Variants in DNAH7 observed in about 807,000 individuals in gnomAD.
DNAH7 encodes the protein axonemal beta dynein heavy chain 7.
Under a neutral mutation model 444.6 loss-of-function variants are expected in DNAH7, and 397 were observed. The ratio of observed to expected loss-of-function variants is 0.89; its 90% CI spans 0.82 to 0.97. The LOEUF is 0.97. Ranked by LOEUF, DNAH7 falls within the 50% of genes least tolerant of loss-of-function variation. The probability of loss-of-function intolerance (pLI) is 0.00; values close to 1 mark genes in which losing one functional copy is unlikely to be tolerated. For missense variants in DNAH7, 4,902 were observed against 4,800.8 expected (o/e 1.02, Z -0.62); for synonymous variants, 1,636 against 1,624.4 (o/e 1.01, Z -0.17).
At chr2:195,786,886 G>T in intron 58 of DNAH7, 124 bp downstream of exon 58, 1 of 990,180 alleles carries the variant, frequency 1.0e-6, no homozygotes, top group Non-Finnish European at 1.4e-6. Flanking sequence ...TAAGCTGTTG[G>T]GAACTACTCT....
At chr2:195,755,700 G>C (rs1018287564) in intron 62 of DNAH7, among the ~76,000 whole-genome samples, 11 of 152,188 alleles carry the variant, frequency 7.2e-5, no homozygotes, top group Non-Finnish European at 1.3e-4. Flanking sequence ...AATATTACCA[G>C]ACAATTAGTA....
chr2:195,912,857 A>G (rs1038258901), intron 24 of DNAH7, among the ~76,000 whole-genome samples: 5 of 152,226 alleles, frequency 3.3e-5, no homozygotes, highest in Non-Finnish European at 5.9e-5. Flanking sequence ...ATAGCTAAAA[A>G]TTGAGCACAT....
intron 51 of DNAH7, among the ~76,000 whole-genome samples, chr2:195,810,625 CTT>C (rs372195832): frequency 5.0e-5 from 7 of 140,506 alleles, no homozygotes; most frequent in South Asian, 2.3e-4. Context: ...ATCATCCTAG[CTT>C]TTTTTTTTTT....
In DNAH7 at chr2:195,888,307, A is replaced by T. The variant is rs759033224; in HGVS notation, c.5357T>A (p.Phe1786Tyr). The T allele has an allele frequency of 1.2e-6, 2 of 1,611,522 alleles. No homozygotes were observed. Among genetic ancestry groups the T allele is most frequent in the South Asian group, 2.2e-5 (2 of 90,574 alleles). ...VIQKEFIMGL[F>Y]DRMVPVSVEF... ...AACCGAAACAGGGACCATTCTGTCA[A>T]ATAAGCCCATTATGAATTCCTTTTG... The change falls in exon 33 of 65, where the codon TTT becomes TAT. Residue 1786 changes from phenylalanine to tyrosine, a missense_variant. Physicochemically the swap from Phe to Tyr is conservative, Grantham distance 22 (BLOSUM62 3). Transcript: ENST00000312428.
chr2:195,852,172 C>T (rs543375800), intron 46 of DNAH7, among the ~76,000 whole-genome samples: 8 of 152,008 alleles, frequency 5.3e-5, no homozygotes, highest in Non-Finnish European at 1.0e-4. Context: ...GCAGGAGAAT[C>T]GCGTGAACCC....
intron 23 of DNAH7, among the ~76,000 whole-genome samples, chr2:195,923,341 G>A (rs377352291): frequency 7.9e-5 from 12 of 152,042 alleles, no homozygotes; most frequent in African/African-American, 2.2e-4. Context: ...CATCATTTTC[G>A]TGTATCTATA....
intron 56 of DNAH7, among the ~76,000 whole-genome samples, chr2:195,794,842 G>A (rs1453314270): frequency 1.3e-5 from 2 of 152,170 alleles, no homozygotes; most frequent in South Asian, 2.1e-4. Context: ...CAAAACTCTT[G>A]TATGTGCACT....
chr2:195,960,805 T>C lies in DNAH7; in HGVS notation c.2346A>G (p.Ala782=), dbSNP rs371416730. Residue 782 remains alanine (A), a synonymous_variant, in exon 18 of 65, where the codon GCA becomes GCG. Transcript: ENST00000312428. The part of the protein sequence containing the change: ...TAVEFSSNYR[A]WTEGPYHKVN... ...CTTTATGATATGGCCCTTCTGTCCATGCTCTATAGTTGCTGCTAAATTCGA... is the reference window on the plus strand; with the variant it reads ...CTTTATGATATGGCCCTTCTGTCCACGCTCTATAGTTGCTGCTAAATTCGA... 19 of 1,614,082 alleles carry C rather than the reference T, an allele frequency of 1.2e-5. No homozygotes were observed. Among genetic ancestry groups the C allele is most frequent in the African/African-American group, 8.0e-5 (6 of 74,932 alleles).
chr2:195,845,174 C>T lies in DNAH7; in HGVS notation c.8782-9G>A. The T allele has an allele frequency of 1.9e-6, 3 of 1,600,104 alleles. No homozygotes were observed. The highest frequency in any genetic ancestry group is 2.6e-6 in the Non-Finnish European group (3 of 1,173,820). On this transcript the variant is annotated splice_polypyrimidine_tract_variant and intron_variant, in intron 46 of 64. Transcript: ENST00000312428. ...CACTCTTTAGTTTGATTCTTTAGAA[C>T]ATCCACAGAAAGATAAAGAAATGAG...
intron 12 of DNAH7, chr2:195,994,749 A>C (rs1325056712): frequency 2.1e-6 from 1 of 471,048 alleles, no homozygotes; most frequent in East Asian, 5.3e-5. Flanking sequence ...CTTGATACGT[A>C]ACATAAGCTA....
At chr2:195,797,452 A>T (rs1472421340) in intron 55 of DNAH7, among the ~76,000 whole-genome samples, 2 of 152,216 alleles carry the variant, frequency 1.3e-5, no homozygotes, top group African/African-American at 4.8e-5. Flanking sequence ...TTTCTGGAAG[A>T]AGAGGAGACA....
Position 195,948,684 on chromosome 2 carries a change from G to A in DNAH7, c.3078+8577C>T, listed in dbSNP as rs138362710. Among the ~76,000 whole-genome samples the A allele has an allele frequency of 7.1e-3, 1,083 of 152,250 alleles. 4 individuals are homozygous for A. The highest frequency in any genetic ancestry group is 0.023 in the African/African-American group (956 of 41,536). The stretch of plus-strand genomic sequence containing the variant: ...TTTGGTACCAGCACCATGCTGTTTC[G>A]GTTACTGTAGCCTTGTAGTATAGTT... On this transcript the variant is annotated intron_variant, in intron 19 of 64. Coordinates refer to ENST00000312428, the MANE Select transcript of DNAH7 (RefSeq NM_018897.3).
intron 9 of DNAH7, among the ~76,000 whole-genome samples, chr2:196,013,301 GCAGCCATGGATTGAAGGAGTCTCA>G (rs1694826605): frequency 6.6e-6 from 1 of 152,102 alleles, no homozygotes; most frequent in Non-Finnish European, 1.5e-5. Context: ...CTCATTTCAG[GCAGCCATGGATTGAAGGAGTCTCA>G]CATCTAATCA....
At chr2:196,064,049 G>GC (rs2125901646) in intron 1 of DNAH7, 1 of 152,354 alleles carries the variant, frequency 6.6e-6, no homozygotes, top group African/African-American at 2.4e-5. Context: ...AGGCGCGGTG[G>GC]CTCATGCCTG....
chr2:195,995,058 C>G, intron 12 of DNAH7: 1 of 251,834 alleles, frequency 4.0e-6, no homozygotes, highest in Non-Finnish European at 7.7e-6. Context: ...GCCTCCCGAG[C>G]AGCTGGGACT....
At chr2:195,892,000 G>A (rs1395705258) in intron 30 of DNAH7, among the ~76,000 whole-genome samples, 196 bp from the exon 31 acceptor site, 2 of 152,012 alleles carry the variant, frequency 1.3e-5, no homozygotes, top group African/African-American at 4.8e-5. Context: ...ATTAACGATT[G>A]AAAAATAAAA....
At chr2:195,855,349 T>C (rs1313205199) in intron 45 of DNAH7, among the ~76,000 whole-genome samples, 1 of 152,180 alleles carries the variant, frequency 6.6e-6, no homozygotes, top group Non-Finnish European at 1.5e-5. Flanking sequence ...TACTGTGTGG[T>C]TCTGAGTATT....
At chr2:195,931,454 T>G (rs1343879474) in intron 21 of DNAH7, among the ~76,000 whole-genome samples, 1 of 152,006 alleles carries the variant, frequency 6.6e-6, no homozygotes, top group Non-Finnish European at 1.5e-5. Context: ...ATTTTGGCTT[T>G]TGTTGCCATT....
At chr2:196,003,236 GA>G (rs1694157896) in intron 10 of DNAH7, among the ~76,000 whole-genome samples, 1 of 149,938 alleles carries the variant, frequency 6.7e-6, no homozygotes, top group Non-Finnish European at 1.5e-5. Context: ...GAATTATAAA[GA>G]AAAATAAATG....
Sources: gnomAD v4.1 joint callset for allele counts (sites outside exome capture counted in the v4.1 genomes callset) on GRCh38, gnomAD v4.1.1 for gene constraint, MANE v1.5 for transcripts, NCBI Gene and HGNC (gene_info 2026-07-23, HGNC 2026-07-21) for gene names.